The following DNAH5 variants were observed in gnomAD, a reference collection of about 807,000 sequenced individuals.
DNAH5 encodes the protein dynein axonemal heavy chain 5, also known as axonemal beta dynein heavy chain 5.
DNAH5 carries 372 observed loss-of-function variants against 518.2 expected under a neutral mutation model. The ratio of observed to expected loss-of-function variants is 0.72; its 90% confidence interval spans 0.66 to 0.78. DNAH5 has a LOEUF of 0.78. Ranked by LOEUF, DNAH5 falls within the 30% of genes least tolerant of loss-of-function variation. The pLI is 0.00. For missense variants in DNAH5, 5,523 were observed against 5,687.0 expected, an observed-to-expected ratio of 0.97 and a Z score of 0.93; for synonymous variants, 2,039 against 2,025.9, an observed-to-expected ratio of 1.01 and a Z score of -0.17.
intron 72 of DNAH5, among the ~76,000 whole-genome samples, chr5:13,718,205 T>C (rs1744562989): frequency 6.6e-6 from 1 of 152,202 alleles, no homozygotes; most frequent in Non-Finnish European, 1.5e-5. Flanking sequence ...TTACAATTTA[T>C]TTCAATTCTC....
intron 1 of DNAH5, among the ~76,000 whole-genome samples, chr5:13,977,280 G>A (rs1782326631): frequency 6.6e-6 from 1 of 152,088 alleles, no homozygotes; most frequent in African/African-American, 2.4e-5. Context: ...GCTTGCCCAG[G>A]ACATCTCCCA....
At chr5:13,770,727 T>A (rs764880704) in intron 56 of DNAH5, 22 bp downstream of exon 56, 1 of 1,604,882 alleles carries the variant, frequency 6.2e-7, no homozygotes, top group African/African-American at 1.3e-5. Flanking sequence ...AATATAGCTT[T>A]GTATAAGAAC....
intron 1 of DNAH5, among the ~76,000 whole-genome samples, chr5:13,931,656 G>A (rs1207126044): frequency 6.6e-6 from 1 of 152,046 alleles, no homozygotes; most frequent in Non-Finnish European, 1.5e-5. Context: ...TATCTTTATT[G>A]TTTATCTACA....
Position 13,882,896 on chromosome 5 carries a change from A to G in DNAH5, c.3174+8T>C, listed in dbSNP as rs760991729. On this transcript the variant is annotated splice_region_variant and intron_variant, in intron 20 of 78. Coordinates refer to ENST00000265104, the MANE Select transcript of DNAH5 (RefSeq NM_001369.3). Reference sequence around the variant, plus strand: ...CCATATGAAACCATTTCTGCACCCCATACCCACCTTGGACAACAGTTCACT... The same window carrying G: ...CCATATGAAACCATTTCTGCACCCCGTACCCACCTTGGACAACAGTTCACT... 2 of 1,614,026 alleles carry G rather than the reference A, an allele frequency of 1.2e-6. No homozygotes were observed. The highest frequency in any genetic ancestry group is 1.3e-5 in the African/African-American group (1 of 74,924).
At chr5:13,913,721 A>G in intron 11 of DNAH5, 22 bp downstream of exon 11, 1 of 1,612,590 alleles carries the variant, frequency 6.2e-7, no homozygotes, top group Non-Finnish European at 8.5e-7. Flanking sequence ...ATGTTATAAA[A>G]TATAGCTTTA....
chr5:13,793,869 A>T (rs1383423384), intron 48 of DNAH5, 67 bp downstream of exon 48: 42 of 1,570,436 alleles, frequency 2.7e-5, no homozygotes, highest in South Asian at 1.7e-4. Context: ...AAAAATTTTT[A>T]AAAACTCTTC....
chr5:13,976,520 C>G (rs139971979), intron 1 of DNAH5, among the ~76,000 whole-genome samples: 5 of 152,172 alleles, frequency 3.3e-5, no homozygotes, highest in African/African-American at 1.2e-4. Context: ...GTAAGCATAA[C>G]ACAATAAGAT....
At chr5:13,696,794 C>A (rs1040787282) in intron 78 of DNAH5, among the ~76,000 whole-genome samples, 4 of 152,118 alleles carry the variant, frequency 2.6e-5, no homozygotes, top group African/African-American at 9.7e-5. Flanking sequence ...AAGTTTCCAC[C>A]AACTCTTACT....
chr5:13,836,730 C>A (rs952827216), intron 35 of DNAH5, among the ~76,000 whole-genome samples: 4 of 152,194 alleles, frequency 2.6e-5, no homozygotes, highest in Non-Finnish European at 2.9e-5. Context: ...CCTTCCACAG[C>A]TAATGGGACT....
At chr5:13,738,720 C>T (rs1031561793) in intron 65 of DNAH5, among the ~76,000 whole-genome samples, 3 of 151,896 alleles carry the variant, frequency 2.0e-5, no homozygotes, top group Admixed American at 6.6e-5. Context: ...AAGAGGAAGC[C>T]CAAAGGCAGG....
chr5:13,783,186 G>A (rs1755453310), intron 52 of DNAH5, among the ~76,000 whole-genome samples: 1 of 152,224 alleles, frequency 6.6e-6, no homozygotes, highest in Admixed American at 6.5e-5. Context: ...TAAAGAAGGA[G>A]TGAGACACAC....
intron 46 of DNAH5, 98 bp downstream of exon 46, chr5:13,808,942 AGAGT>A (rs1381563791): frequency 7.1e-7 from 1 of 1,409,682 alleles, no homozygotes; most frequent in Non-Finnish European, 9.9e-7. Flanking sequence ...CCTGGGCGAC[AGAGT>A]GAGACTCCGT....
At chr5:14,001,678 C>CT (rs981305557) in intron 1 of DNAH5, among the ~76,000 whole-genome samples, 130 of 148,360 alleles carry the variant, frequency 8.8e-4, no homozygotes, top group African/African-American at 2.2e-3. Flanking sequence ...TTTTTCTTTT[C>CT]TTTTTTTTTT....
chr5:13,968,307 T>C (rs916703910), intron 1 of DNAH5, among the ~76,000 whole-genome samples: 1 of 152,202 alleles, frequency 6.6e-6, no homozygotes, highest in Admixed American at 6.5e-5. Flanking sequence ...CCTTTCTTTC[T>C]TTCTCTTGTC....
chr5:13,794,619 T>C (rs534973682), intron 47 of DNAH5, among the ~76,000 whole-genome samples: 1 of 152,312 alleles, frequency 6.6e-6, no homozygotes, highest in South Asian at 2.1e-4. Context: ...TCTCTCATTT[T>C]TACATTCTGA....
At chr5:13,791,946 A>G in intron 50 of DNAH5, 48 bp downstream of exon 50, 5 of 1,426,464 alleles carry the variant, frequency 3.5e-6, no homozygotes, top group Non-Finnish European at 4.9e-6. Context: ...TTTAGAATAT[A>G]TCATTAATAG....
At chr5:14,009,108 A>G (rs1173167266) in intron 1 of DNAH5, among the ~76,000 whole-genome samples, 1 of 152,224 alleles carries the variant, frequency 6.6e-6, no homozygotes, top group Admixed American at 6.5e-5. Context: ...GTAATGAGTG[A>G]GCAGTTGCTC....
intron 47 of DNAH5, 51 bp from the exon 48 acceptor site, chr5:13,794,109 T>C (rs781567505): frequency 1.2e-5 from 20 of 1,611,598 alleles, no homozygotes; most frequent in Non-Finnish European, 1.6e-5. Context: ...CCCTAAAACC[T>C]GGTCAATTAT....
rs138698267 is a variant in DNAH5, at chr5:13,959,796, C to T, written c.13-28552G>A. 7.2e-3 allele frequency among the ~76,000 whole-genome samples: 1,091 copies of T among 152,176 alleles called. 11 individuals are homozygous for T. The highest frequency in any genetic ancestry group is 0.025 in the African/African-American group (1,036 of 41,504). ...CAGCCTGACCAACATGGTGAAACCCCGTCTCTACTAAAAATACAAAATTAG... is the reference window on the plus strand; with the variant it reads ...CAGCCTGACCAACATGGTGAAACCCTGTCTCTACTAAAAATACAAAATTAG... On this transcript the variant is annotated intron_variant, in intron 1 of 78. Coordinates refer to the DNAH5 transcript ENST00000681290.
Sources: allele counts gnomAD v4.1 joint callset (sites outside exome capture counted in the v4.1 genomes callset), GRCh38; gene constraint gnomAD v4.1.1; transcripts MANE v1.5; gene names NCBI Gene and HGNC (gene_info 2026-07-23, HGNC 2026-07-21).